DSE: variants seen among roughly 807,000 people sequenced by gnomAD.
DSE encodes dermatan-sulfate epimerase.
A neutral mutation model predicts 84.4 loss-of-function variants in DSE; 36 were observed. The observed-to-expected ratio is 0.43, with a 90% CI of 0.33 to 0.56. The LOEUF is 0.56. Among genes scored for constraint, DSE ranks in the 20% least tolerant of loss-of-function variants. The pLI is 0.06. For synonymous variants in DSE, 410 were observed against 430.1 expected (o/e 0.95, Z 0.58); for missense variants, 862 against 1,169.6 (o/e 0.74, Z 3.84).
chr6:116,308,250 C>T (rs1562219560), intron 2 of DSE, among the ~76,000 whole-genome samples: 1 of 152,144 alleles, frequency 6.6e-6, no homozygotes, highest in Non-Finnish European at 1.5e-5. Flanking sequence ...GAGTTGGAGG[C>T]AAGTTGTTTC....
intron 1 of DSE, among the ~76,000 whole-genome samples, chr6:116,383,654 C>T (rs539500763): frequency 6.6e-6 from 1 of 152,320 alleles, no homozygotes; most frequent in East Asian, 1.9e-4. Flanking sequence ...ATATGCCAGT[C>T]ATTGCTCTGG....
At chr6:116,264,433 C>T (rs1028852963) in intron 2 of DSE, among the ~76,000 whole-genome samples, 10 of 152,190 alleles carry the variant, frequency 6.6e-5, no homozygotes, top group South Asian at 6.2e-4. Flanking sequence ...TCTATCAGAT[C>T]GGCTACAGTC....
At chr6:116,332,581 C>T (rs1182320467) in intron 2 of DSE, among the ~76,000 whole-genome samples, 2 of 151,642 alleles carry the variant, frequency 1.3e-5, no homozygotes, top group Non-Finnish European at 2.9e-5. Flanking sequence ...TAAGAATAGA[C>T]AAAAATCAGT....
chr6:116,258,388 C>A (rs1772236153), intron 1 of DSE: 2 of 667,684 alleles, frequency 3.0e-6, no homozygotes, highest in Non-Finnish European at 5.5e-6. Context: ...TATCAACATG[C>A]ACATTTTTTA....
At chr6:116,264,602 C>A (rs907550808) in intron 2 of DSE, among the ~76,000 whole-genome samples, 1 of 152,032 alleles carries the variant, frequency 6.6e-6, no homozygotes, top group Non-Finnish European at 1.5e-5. Context: ...AGTTCAGAAC[C>A]CTTACTGGAG....
chr6:116,395,530 T>C (rs1781197860), intron 1 of DSE, among the ~76,000 whole-genome samples: 1 of 152,238 alleles, frequency 6.6e-6, no homozygotes, highest in African/African-American at 2.4e-5. Flanking sequence ...CAAACTATAG[T>C]TATTCAGGTA....
chr6:116,294,208 A>G lies in DSE; in HGVS notation c.-54+35241A>G, dbSNP rs1250844062. Among the ~76,000 whole-genome samples, 11 of 151,950 alleles carry G rather than the reference A, an allele frequency of 7.2e-5. No individual in the cohort carries two copies. In the East Asian group the frequency reaches 1.4e-3, roughly 19 times the overall value. On this transcript the variant is annotated intron_variant, in intron 2 of 3. Transcript: ENST00000430252. ...CAGTTAATTTTTTAATTTTTTGTAG[A>G]GATGAGGTCTTGCTATGCTGCCCAG...
chr6:116,290,261 C>T (rs1774196227), intron 2 of DSE, among the ~76,000 whole-genome samples: 1 of 152,052 alleles, frequency 6.6e-6, no homozygotes, highest in Non-Finnish European at 1.5e-5. Flanking sequence ...ACTTCGTTTT[C>T]TTGGATCTGT....
At chr6:116,385,347 G>C (rs1156368792) in intron 1 of DSE, among the ~76,000 whole-genome samples, 1 of 152,170 alleles carries the variant, frequency 6.6e-6, no homozygotes, top group Non-Finnish European at 1.5e-5. Flanking sequence ...CTTCTATGTG[G>C]AGAATGATCT....
rs542104623 is a variant in DSE at position 116,388,894 on chromosome 6, G to A, written c.-53-10304G>A. Among the ~76,000 whole-genome samples the A allele has an allele frequency of 3.9e-5, 6 of 152,274 alleles. No individual in the cohort carries two copies. In the South Asian group the frequency reaches 8.3e-4, roughly 21 times the overall value. ...GAATATTTAGCTGAAAGTTATAAAT[G>A]TGCAGTTGAGCAGGAAGAAGAAGAA... is the stretch of plus-strand genomic sequence containing the variant. On this transcript the variant is annotated intron_variant, in intron 1 of 5. Transcript: ENST00000644252.
intron 3 of DSE, among the ~76,000 whole-genome samples, 167 bp from the exon 4 acceptor site, chr6:116,430,787 C>A (rs1783781602): frequency 6.6e-6 from 1 of 152,022 alleles, no homozygotes; most frequent in Non-Finnish European, 1.5e-5. Context: ...TGGACTGTCA[C>A]AACCTGGATT....
intron 2 of DSE, among the ~76,000 whole-genome samples, chr6:116,353,378 A>G (rs750103480): frequency 3.9e-5 from 6 of 152,216 alleles, no homozygotes; most frequent in African/African-American, 7.2e-5. Flanking sequence ...CCTTTGTAGT[A>G]TTCCAAATAA....
intron 2 of DSE, among the ~76,000 whole-genome samples, chr6:116,299,307 A>G (rs920936472): frequency 1.2e-4 from 18 of 151,768 alleles, no homozygotes; most frequent in East Asian, 3.8e-4. Context: ...AAATTTTGGG[A>G]AAAAAGAGAG....
intron 2 of DSE, among the ~76,000 whole-genome samples, chr6:116,421,698 C>G (rs193028547): frequency 1.3e-5 from 2 of 151,830 alleles, no homozygotes; most frequent in East Asian, 3.9e-4. Flanking sequence ...TGGGCTCAGG[C>G]AATCCTCCTA....
chr6:116,352,425 A>G (rs1223147025), intron 2 of DSE, among the ~76,000 whole-genome samples: 6 of 152,172 alleles, frequency 3.9e-5, no homozygotes, highest in Admixed American at 3.9e-4. Flanking sequence ...CTGCTCCAGA[A>G]GAATCTCTCA....
chr6:116,401,999 T>C (rs1354311019), intron 2 of DSE, among the ~76,000 whole-genome samples: 1 of 152,150 alleles, frequency 6.6e-6, no homozygotes, highest in Non-Finnish European at 1.5e-5. Flanking sequence ...GCATTTTTAC[T>C]CTTTTGAAAG....
intron 1 of DSE, chr6:116,255,495 GCTAATCAGTTATC>G (rs1432399084): frequency 6.6e-6 from 1 of 152,224 alleles, no homozygotes; most frequent in Non-Finnish European, 1.5e-5. Flanking sequence ...CTGCCTGCCA[GCTAATCAGTTATC>G]CCATAAGAAA....
chr6:116,369,431 T>C (rs1346856248), upstream of DSE, among the ~76,000 whole-genome samples: 2 of 152,204 alleles, frequency 1.3e-5, no homozygotes, highest in Non-Finnish European at 1.5e-5. Flanking sequence ...ACAGTGACCG[T>C]CTGATATGGT....
intron 2 of DSE, 52 bp from the exon 3 acceptor site, chr6:116,426,522 T>C (rs1583219898): frequency 1.9e-6 from 3 of 1,585,618 alleles, no homozygotes; most frequent in South Asian, 2.3e-5. Flanking sequence ...AGAAGTGTGG[T>C]GAAAGCTGTG....
Sources: gnomAD v4.1 joint callset for allele counts (sites outside exome capture counted in the v4.1 genomes callset) on GRCh38, gnomAD v4.1.1 for gene constraint, MANE v1.5 for transcripts, NCBI Gene and HGNC (gene_info 2026-07-23, HGNC 2026-07-21) for gene names.